SETD2: variants seen among roughly 807,000 people sequenced by gnomAD.
SETD2 encodes the protein histone-lysine N-methyltransferase SETD2.
A neutral mutation model predicts 242.1 loss-of-function variants in SETD2; 31 were observed. The ratio of observed to expected loss-of-function variants is 0.13; its 90% CI spans 0.10 to 0.17. SETD2 has a LOEUF of 0.17. Among genes scored for constraint, SETD2 ranks in the 10% least tolerant of loss-of-function variants. SETD2 has a pLI of 1.00. For missense variants in SETD2, 2,481 were observed against 3,046.3 expected, an observed-to-expected ratio of 0.81 and a Z score of 4.37; for synonymous variants, 1,006 against 1,066.5, an observed-to-expected ratio of 0.94 and a Z score of 1.11.
intron 9 of SETD2, among the ~76,000 whole-genome samples, chr3:47,096,103 T>C (rs1311428314): frequency 1.3e-5 from 2 of 152,140 alleles, no homozygotes; most frequent in South Asian, 2.1e-4. Context: ...CAAAACAATA[T>C]GTTCTAAAAT....
At chr3:47,112,683 A>T (rs771665484) in intron 5 of SETD2, among the ~76,000 whole-genome samples, 4 of 151,768 alleles carry the variant, frequency 2.6e-5, no homozygotes, top group Non-Finnish European at 4.4e-5. Context: ...TCCACCTCCC[A>T]AGTTCAAGCG....
At chr3:47,149,602 A>G (rs1396581441) in intron 1 of SETD2, among the ~76,000 whole-genome samples, 1 of 152,114 alleles carries the variant, frequency 6.6e-6, no homozygotes, top group East Asian at 1.9e-4. Context: ...ATTTTTGCCT[A>G]AGTCCTACTC....
chr3:47,157,874 A>C (rs2044161773), intron 1 of SETD2, among the ~76,000 whole-genome samples: 1 of 144,186 alleles, frequency 6.9e-6, no homozygotes, highest in South Asian at 2.2e-4. Context: ...ACTCCATCTC[A>C]AAAAAAAAAA....
At chr3:47,116,188 T>G (rs774788278) in intron 4 of SETD2, among the ~76,000 whole-genome samples, 2 of 152,152 alleles carry the variant, frequency 1.3e-5, no homozygotes, top group Non-Finnish European at 2.9e-5. Flanking sequence ...TATGCTAGCA[T>G]AGGCATTAAA....
In SETD2 at chr3:47,121,497, C is replaced by G. The variant is rs766239670; in HGVS notation, c.3139G>C (p.Asp1047His). The change falls in exon 3 of 21, where the codon GAT becomes CAT. Residue 1047 changes from aspartate (D) to histidine (H), a missense_variant. Asp to His is a moderately conservative substitution (Grantham distance 81, BLOSUM62 -1). This residue lies in a region of SETD2 where 1,300 missense variants were observed against 1,259.2 expected (regional missense o/e 1.03). Coordinates refer to ENST00000409792, the MANE Select transcript of SETD2 (RefSeq NM_014159.7). ...DYSGSSESSN[D>H]ESDSEDTDSD... ...TCTGTATCTTCTGAATCACTTTCAT[C>G]ATTTGAACTTTCAGAAGAGCCAGAA... The G allele has an allele frequency of 6.2e-7, 1 of 1,614,052 alleles. No homozygotes were observed. The highest frequency in any genetic ancestry group is 1.1e-5 in the South Asian group (1 of 91,078).
At chr3:47,114,653 T>C (rs2042784913) in intron 4 of SETD2, among the ~76,000 whole-genome samples, 1 of 151,908 alleles carries the variant, frequency 6.6e-6, no homozygotes, top group African/African-American at 2.4e-5. Context: ...CCAAGGCAGG[T>C]GGATCACTTG....
intron 1 of SETD2, 22 bp downstream of exon 1, chr3:47,163,832 G>A: frequency 1.6e-6 from 2 of 1,271,010 alleles, no homozygotes; most frequent in Non-Finnish European, 2.0e-6. Flanking sequence ...CAGCAGCGGG[G>A]GGCCGCGGAG....
Position 47,164,072 on chromosome 3 carries a change from C to G in SETD2, c.-148G>C. ...GGGCGGCCCGCGTCGCTACCTCGCT[C>G]GTCGCTCCCTCCCTCCCTCGGACGC... On this transcript the variant is annotated 5_prime_UTR_variant, in exon 1 of 21. Transcript: ENST00000409792. This position sits in a 1 kb window ranked among gnomAD's most constrained non-coding sequence, Gnocchi z 5.4. 8.4e-7 allele frequency: 1 copy of G among 1,195,052 alleles called. No homozygotes were observed. The highest frequency in any genetic ancestry group is 1.0e-6 in the Non-Finnish European group (1 of 958,322). 74.0% of individuals were successfully genotyped at this position (1,195,052 alleles called of 1,614,324 possible).
At chr3:47,094,084 TCTCA>T (rs570088556) in intron 9 of SETD2, among the ~76,000 whole-genome samples, 1,857 of 152,168 alleles carry the variant, frequency 0.012, 18 homozygotes, top group Non-Finnish European at 0.02. Context: ...AAGTATTTCT[TCTCA>T]CTCAGGTGGG....
intron 5 of SETD2, among the ~76,000 whole-genome samples, chr3:47,110,670 C>A (rs561038263): frequency 1.3e-5 from 2 of 152,014 alleles, no homozygotes; most frequent in African/African-American, 2.4e-5. Flanking sequence ...CAGTAAACAA[C>A]GCAAGAGTTT....
chr3:47,027,152 G>A (rs891697451), intron 18 of SETD2, among the ~76,000 whole-genome samples: 6 of 151,708 alleles, frequency 4.0e-5, no homozygotes, highest in Non-Finnish European at 7.4e-5. Flanking sequence ...TGGCTAACAC[G>A]GTGAAACCCC....
At chr3:47,118,374 G>T (rs1008422879) in intron 3 of SETD2, among the ~76,000 whole-genome samples, 1 of 152,076 alleles carries the variant, frequency 6.6e-6, no homozygotes, top group Admixed American at 6.6e-5. Flanking sequence ...TTTTATAAGA[G>T]TTTGTCTTCT....
intron 18 of SETD2, among the ~76,000 whole-genome samples, chr3:47,035,558 G>A (rs937912590): frequency 6.6e-6 from 1 of 152,132 alleles, no homozygotes; most frequent in Non-Finnish European, 1.5e-5. Context: ...GCAATTCCTT[G>A]AGCATTAAAT....
At position 47,041,870 on chromosome 3, in the gene SETD2, C is replaced by T. The variant is rs115889686; in HGVS notation, c.7238+691G>A. Among the ~76,000 whole-genome samples, 562 of 152,152 alleles carry T rather than the reference C, an allele frequency of 3.7e-3. 3 individuals carry two copies. The highest frequency in any genetic ancestry group is 0.013 in the African/African-American group (533 of 41,488). ...GCTATTTAATTTGGAAATAGAAAAG[C>T]GCTGTCCGTAAAAAAAATTGAACAG... On this transcript the variant is annotated intron_variant, in intron 17 of 20. Coordinates refer to ENST00000409792, the MANE Select transcript of SETD2 (RefSeq NM_014159.7).
intron 18 of SETD2, among the ~76,000 whole-genome samples, chr3:47,033,338 G>A (rs895699429): frequency 1.3e-5 from 2 of 152,128 alleles, no homozygotes; most frequent in Admixed American, 6.5e-5. Flanking sequence ...TTCTCTGGTT[G>A]AGTTTCTTCT....
intron 1 of SETD2, among the ~76,000 whole-genome samples, chr3:47,154,892 G>A (rs1218138570): frequency 6.6e-6 from 1 of 152,040 alleles, no homozygotes; most frequent in African/African-American, 2.4e-5. Flanking sequence ...TACTCCGGAG[G>A]CTGAGGCAGG....
rs749886878 is a variant in SETD2 at position 47,017,599 on chromosome 3, G to A, written c.7533+39C>T. The stretch of plus-strand genomic sequence containing the variant: ...TCTTAGAAGGTACACAGTTTGCCCA[G>A]AACATTGCCTGGTGGGCTACCAAAA... On this transcript the variant is annotated intron_variant, in intron 20 of 20. Transcript: ENST00000409792. This position sits in a 1 kb window ranked among gnomAD's most constrained non-coding sequence, Gnocchi z 4.8. The A allele has an allele frequency of 2.1e-6, 3 of 1,411,000 alleles. No homozygotes were observed. The highest frequency in any genetic ancestry group is 3.4e-5 in the Admixed American group (2 of 59,696). 87.4% of individuals were successfully genotyped at this position (1,411,000 alleles called of 1,614,324 possible). A position where few individuals can be genotyped will look rare whatever the true frequency, so the allele number is the denominator to read the frequency against.
At chr3:47,115,444 A>ATC (rs1200495748) in intron 4 of SETD2, among the ~76,000 whole-genome samples, 1 of 152,132 alleles carries the variant, frequency 6.6e-6, no homozygotes, top group African/African-American at 2.4e-5. Flanking sequence ...CTGTACTGTC[A>ATC]TCTCTCTCTC....
At chr3:47,100,662 C>T (rs182082397) in intron 8 of SETD2, among the ~76,000 whole-genome samples, 1 of 152,252 alleles carries the variant, frequency 6.6e-6, no homozygotes, top group East Asian at 1.9e-4. Flanking sequence ...AACTCTCACA[C>T]TTTTTGCTTA....
Sources: allele counts gnomAD v4.1 joint callset (sites outside exome capture counted in the v4.1 genomes callset), GRCh38; gene constraint gnomAD v4.1.1; regional missense constraint gnomAD v4.1.1; non-coding constraint Gnocchi (gnomAD v3.1); transcripts MANE v1.5; gene names NCBI Gene and HGNC (gene_info 2026-07-23, HGNC 2026-07-21).